Variants in GALNT2 observed in about 807,000 individuals in gnomAD.
The protein encoded by GALNT2 is polypeptide N-acetylgalactosaminyltransferase 2, also known as UDP-GalNAc:polypeptide N-acetylgalactosaminyltransferase 2.
In GALNT2, 31 loss-of-function variants were observed where a neutral mutation model predicts 81.4. The observed-to-expected ratio is 0.38, with a 90% CI of 0.29 to 0.51. GALNT2 has a LOEUF of 0.51. GALNT2 is among the 20% of genes least tolerant of loss of function. The pLI is 0.87. For synonymous variants in GALNT2, 303 were observed against 287.4 expected (o/e 1.05, Z -0.55); for missense variants, 629 against 765.7 (o/e 0.82, Z 2.11).
chr1:230,265,445 C>T (rs1452374233), intron 14 of GALNT2, 78 bp downstream of exon 14: 1 of 1,585,412 alleles, frequency 6.3e-7, no homozygotes, highest in South Asian at 1.1e-5. Context: ...TTAGAAGTCC[C>T]AGCTGCCACC....
At position 230,107,646 on chromosome 1, in the gene GALNT2, T is replaced by TGTGTGTGTG. The variant is rs1356238842; in HGVS notation, c.126+40240_126+40241insGTGTGTGTG. On this transcript the variant is annotated intron_variant, in intron 1 of 15. Transcript: ENST00000366672. Reference sequence around the variant, plus strand: ...TGTGTGTGTGTGTGTGTGTGTGTGGTTGGTTGGTTGGTTTAAGCCATGGAT... The same window carrying TGTGTGTGTG: ...TGTGTGTGTGTGTGTGTGTGTGTGGTGTGTGTGTGTGGTTGGTTGGTTTAAGCCATGGAT... Among the ~76,000 whole-genome samples, 162 of 91,362 alleles carry TGTGTGTGTG rather than the reference T, an allele frequency of 1.8e-3. 1 individual carries two copies. Among genetic ancestry groups the TGTGTGTGTG allele is most frequent in the African/African-American group, 5.8e-3 (147 of 25,250 alleles). 59.9% of individuals were successfully genotyped at this position (91,362 alleles called of 152,430 possible).
intron 1 of GALNT2, among the ~76,000 whole-genome samples, chr1:230,177,851 A>G (rs1663033794): frequency 6.6e-6 from 1 of 152,208 alleles, no homozygotes; most frequent in African/African-American, 2.4e-5. Context: ...TAATGGCTTT[A>G]ATTTAACCAC....
chr1:230,110,714 G>GTTTTTTTTTTTT (rs113630188), intron 1 of GALNT2, among the ~76,000 whole-genome samples: 5 of 137,652 alleles, frequency 3.6e-5, no homozygotes, highest in African/African-American at 5.4e-5. Context: ...GTGCTTTTCT[G>GTTTTTTTTTTTT]TTTTTTTTTT....
intron 2 of GALNT2, among the ~76,000 whole-genome samples, chr1:230,181,038 T>C (rs1248704719): frequency 6.6e-6 from 1 of 152,210 alleles, no homozygotes; most frequent in Admixed American, 6.5e-5. Flanking sequence ...CAGACAATCA[T>C]GTGATCTATG....
At chr1:230,202,359 G>A (rs536381549) in intron 2 of GALNT2, among the ~76,000 whole-genome samples, 1 of 152,284 alleles carries the variant, frequency 6.6e-6, no homozygotes, top group South Asian at 2.1e-4. Flanking sequence ...AATGCTCCTT[G>A]GTCGCCAACA....
chr1:230,140,310 A>G (rs1447713923), intron 1 of GALNT2, among the ~76,000 whole-genome samples: 2 of 152,154 alleles, frequency 1.3e-5, no homozygotes, highest in African/African-American at 4.8e-5. Flanking sequence ...GTGTACACAG[A>G]CAGTAGTGTG....
At chr1:230,076,501 G>C (rs986881030) in intron 1 of GALNT2, among the ~76,000 whole-genome samples, 2 of 152,138 alleles carry the variant, frequency 1.3e-5, no homozygotes, top group Non-Finnish European at 2.9e-5. Flanking sequence ...TCAGATGCCT[G>C]CCTGATACCC....
chr1:230,145,596 C>T (rs535312807), intron 1 of GALNT2, among the ~76,000 whole-genome samples: 3 of 152,356 alleles, frequency 2.0e-5, no homozygotes, highest in East Asian at 3.9e-4. Flanking sequence ...GACATTTACA[C>T]GGTTTTCTTT....
chr1:230,175,617 T>TCCCTCTCCCCTCCTCCTCCTCCCCCC (rs1662952777), intron 1 of GALNT2, among the ~76,000 whole-genome samples: 1 of 91,228 alleles, frequency 1.1e-5, no homozygotes, highest in Non-Finnish European at 2.2e-5. Flanking sequence ...CTCCTCCCCC[T>TCCCTCTCCCCTCCTCCTCCTCCCCCC]CCCTCTCCCC....
intron 1 of GALNT2, among the ~76,000 whole-genome samples, chr1:230,075,150 A>G (rs7538515): frequency 0.61 from 74,995 of 123,954 alleles, 24,722 homozygotes; most frequent in Admixed American, 0.77. Flanking sequence ...TTTTGAGACA[A>G]AGTCTCACTC....
upstream of GALNT2, among the ~76,000 whole-genome samples, chr1:230,064,813 GC>G (rs1659132537): frequency 6.6e-6 from 1 of 152,170 alleles, no homozygotes; most frequent in Non-Finnish European, 1.5e-5. Context: ...TGCCCAGCCT[GC>G]CTGGCACTTT....
chr1:230,254,978 A>G (rs1259226214), intron 10 of GALNT2, among the ~76,000 whole-genome samples: 3 of 152,034 alleles, frequency 2.0e-5, no homozygotes, highest in Non-Finnish European at 4.4e-5. Context: ...CCCCGTGAAC[A>G]TTTTTTCTTG....
chr1:230,172,842 C>T (rs978589109), intron 1 of GALNT2, among the ~76,000 whole-genome samples: 7 of 152,176 alleles, frequency 4.6e-5, no homozygotes, highest in African/African-American at 1.7e-4. Flanking sequence ...GGGTTTACTG[C>T]TTCTGAAAAT....
chr1:230,192,271 A>T (rs752196749), intron 2 of GALNT2, among the ~76,000 whole-genome samples: 4 of 152,216 alleles, frequency 2.6e-5, no homozygotes, highest in Non-Finnish European at 4.4e-5. Flanking sequence ...TACAGCTGTG[A>T]TATGTTGGAT....
At chr1:230,170,967 C>T (rs1272894413) in intron 1 of GALNT2, among the ~76,000 whole-genome samples, 2 of 152,166 alleles carry the variant, frequency 1.3e-5, no homozygotes, top group East Asian at 3.9e-4. Context: ...ATGAAATCAC[C>T]TAGTTAACTC....
At chr1:230,225,729 C>T (rs1294230823) in intron 3 of GALNT2, among the ~76,000 whole-genome samples, 1 of 150,572 alleles carries the variant, frequency 6.6e-6, no homozygotes, top group Non-Finnish European at 1.5e-5. Flanking sequence ...ACCAGAGTTC[C>T]AGGTCTAAAT....
chr1:230,185,301 T>TGTGCGCGCGCGC (rs58770415), intron 2 of GALNT2, among the ~76,000 whole-genome samples: 86 of 126,114 alleles, frequency 6.8e-4, no homozygotes, highest in East Asian at 2.9e-3. Flanking sequence ...TGTGTGTGTG[T>TGTGCGCGCGCGC]GCGCGCGTGT....
chr1:230,249,435 A>G (rs1665476413), intron 9 of GALNT2, among the ~76,000 whole-genome samples, 164 bp downstream of exon 9: 1 of 152,202 alleles, frequency 6.6e-6, no homozygotes, highest in Non-Finnish European at 1.5e-5. Context: ...ACCAGGTCAT[A>G]GAATAAAATC....
At chr1:230,274,617 C>T in intron 15 of GALNT2, 53 bp downstream of exon 15, 1 of 1,607,752 alleles carries the variant, frequency 6.2e-7, no homozygotes, top group Admixed American at 1.7e-5. Context: ...ACCAGGGTAG[C>T]CACGGCCTGC....
Sources: gnomAD v4.1 joint callset for allele counts (sites outside exome capture counted in the v4.1 genomes callset) on GRCh38, gnomAD v4.1.1 for gene constraint, MANE v1.5 for transcripts, NCBI Gene and HGNC (gene_info 2026-07-23, HGNC 2026-07-21) for gene names.